The following DNAJC13 variants were observed in gnomAD, a reference collection of about 807,000 sequenced individuals.
DNAJC13 encodes dnaJ homolog subfamily C member 13.
A neutral mutation model predicts 290.5 loss-of-function variants in DNAJC13; 75 were observed. The ratio of observed to expected loss-of-function variants is 0.26; its 90% CI spans 0.21 to 0.31. The LOEUF is 0.31. DNAJC13 is among the 10% of genes least tolerant of loss of function. DNAJC13 has a pLI of 1.00. For synonymous variants in DNAJC13, 862 were observed against 892.0 expected, an observed-to-expected ratio of 0.97 and a Z score of 0.60; for missense variants, 2,260 against 2,674.5, an observed-to-expected ratio of 0.85 and a Z score of 3.42.
chr3:132,479,642 T>G (rs1934600060), intron 25 of DNAJC13, among the ~76,000 whole-genome samples: 1 of 152,174 alleles, frequency 6.6e-6, no homozygotes, highest in Non-Finnish European at 1.5e-5. Flanking sequence ...TGACATAAAA[T>G]GGAAAGTCTT....
intron 17 of DNAJC13, among the ~76,000 whole-genome samples, chr3:132,464,382 C>CTA (rs1933907235): frequency 6.6e-6 from 1 of 152,130 alleles, no homozygotes; most frequent in Non-Finnish European, 1.5e-5. Context: ...CCCTTTTTAA[C>CTA]CCTCTTTGTG....
At chr3:132,508,813 T>G (rs910164636) in intron 43 of DNAJC13, among the ~76,000 whole-genome samples, 1 of 152,230 alleles carries the variant, frequency 6.6e-6, no homozygotes, top group African/African-American at 2.4e-5. Flanking sequence ...GCTCTATAAA[T>G]GGAAGAACAA....
chr3:132,448,721 A>T lies in DNAJC13; in HGVS notation c.336+782A>T, dbSNP rs575954284. The stretch of plus-strand genomic sequence containing the variant: ...CTGTCTGTCTTAAGCCCTCATTCAT[A>T]GAATATTTCTATGAATATTCTGCTA... On this transcript the variant is annotated intron_variant, in intron 5 of 55. Coordinates refer to ENST00000260818, the MANE Select transcript of DNAJC13 (RefSeq NM_015268.4). Among the ~76,000 whole-genome samples, 10 of 152,280 alleles carry T rather than the reference A, an allele frequency of 6.6e-5. No homozygotes were observed. The East Asian group carries it at 1.9e-3, about 29-fold the overall frequency.
At chr3:132,506,203 C>G (rs1323216941) in intron 42 of DNAJC13, among the ~76,000 whole-genome samples, 1 of 150,738 alleles carries the variant, frequency 6.6e-6, no homozygotes, top group African/African-American at 2.4e-5. Context: ...CAGGCATGCA[C>G]CACCATGCCT....
rs766878692 is a variant in DNAJC13 at position 132,538,179 on chromosome 3, C to T, written c.6629C>T (p.Pro2210Leu). The stretch of plus-strand genomic sequence containing the variant: ...TGTTTACCTTTCTCTCTTGCAGGAC[C>T]TGGAGTTGCTGGCTACCTTACCGCA... ...ESQTAGYLTG[P>L]GVAGYLTAGT... The change falls in exon 56 of 56, where the codon CCT becomes CTT. Residue 2210 changes from proline (P) to leucine (L), a missense_variant. Around this residue, in one of 3 missense-constraint regions of DNAJC13, gnomAD observed 1,494 missense variants for 1,693.7 expected, o/e 0.88. Coordinates refer to ENST00000260818, the MANE Select transcript of DNAJC13 (RefSeq NM_015268.4). 14 of 1,613,440 alleles carry T rather than the reference C, an allele frequency of 8.7e-6. No homozygotes were observed. The East Asian group carries it at 2.9e-4, about 33-fold the overall frequency.
chr3:132,476,687 C>T (rs955238379), intron 22 of DNAJC13, among the ~76,000 whole-genome samples: 10 of 152,196 alleles, frequency 6.6e-5, no homozygotes, highest in African/African-American at 2.4e-4. Flanking sequence ...CTGTTCCAGC[C>T]AAATAGGCTT....
chr3:132,486,576 AGT>A (rs1320907696), intron 29 of DNAJC13, among the ~76,000 whole-genome samples: 1 of 152,158 alleles, frequency 6.6e-6, no homozygotes, highest in African/African-American at 2.4e-5. Flanking sequence ...AGCTTCGAAC[AGT>A]GTGTGACTCC....
In DNAJC13 at chr3:132,463,768, C is replaced by T. The variant is rs138466914; in HGVS notation, c.1843C>T (p.His615Tyr). ...TGAAGGTGCCTTACCTCGACACTTG[C>T]ATACTGCGATGTTTACAATAAGCTC... ...LSEGALPRHL[H>Y]TAMFTISSDQ... is the part of the protein sequence containing the mutation. Residue 615 changes from histidine (H) to tyrosine (Y), a missense_variant, in exon 17 of 56, where the codon CAT becomes TAT. Transcript: ENST00000260818. 1.2e-6 allele frequency: 2 copies of T among 1,613,248 alleles called. No homozygotes were observed. The highest frequency in any genetic ancestry group is 1.3e-5 in the African/African-American group (1 of 74,898).
intron 34 of DNAJC13, 84 bp from the exon 35 acceptor site, chr3:132,495,004 C>T: frequency 3.3e-6 from 3 of 901,940 alleles, no homozygotes; most frequent in Non-Finnish European, 5.2e-6. Context: ...ATATTAGATT[C>T]TTAAAATATC....
chr3:132,492,575 G>C lies in DNAJC13; in HGVS notation c.3785G>C (p.Cys1262Ser). Residue 1262 changes from cysteine to serine, a missense_variant, in exon 33 of 56, where the codon TGT (cysteine) becomes TCT (serine). Coordinates refer to ENST00000260818, the MANE Select transcript of DNAJC13 (RefSeq NM_015268.4). ...AATATTTATTACCTCAAACAACTGT[G>C]TGATACACTCCGGTTTCCAGATTGG... ...FCNIYYLKQLCDTLRFPDWPI... is the reference protein window; with the variant it reads ...FCNIYYLKQLSDTLRFPDWPI... 6.2e-7 allele frequency: 1 copy of C among 1,613,658 alleles called. No homozygotes were observed. The highest frequency in any genetic ancestry group is 8.5e-7 in the Non-Finnish European group (1 of 1,179,746).
At chr3:132,431,699 G>A (rs1297239119) in intron 1 of DNAJC13, among the ~76,000 whole-genome samples, 1 of 152,196 alleles carries the variant, frequency 6.6e-6, no homozygotes, top group Non-Finnish European at 1.5e-5. Flanking sequence ...CTTGTTCATA[G>A]TTGTATTATT....
chr3:132,470,836 G>A lies in DNAJC13; in HGVS notation c.2209-2309G>A, dbSNP rs1245050041. ...TCCTGGACAGGGCGGCTGGCCAGGC[G>A]GGGGGCTGATCCCCCCACCTCCCTC... On this transcript the variant is annotated intron_variant, in intron 20 of 55. Coordinates refer to ENST00000260818, the MANE Select transcript of DNAJC13 (RefSeq NM_015268.4). Among the ~76,000 whole-genome samples the A allele has an allele frequency of 5.3e-5, 7 of 132,884 alleles. 1 individual carries two copies. Among genetic ancestry groups the A allele is most frequent in the South Asian group, 2.4e-4 (1 of 4,088 alleles). 87.2% of individuals were successfully genotyped at this position (132,884 alleles called of 152,430 possible).
chr3:132,419,551 C>T (rs1467212808), intron 1 of DNAJC13, among the ~76,000 whole-genome samples: 6 of 152,096 alleles, frequency 3.9e-5, no homozygotes, highest in African/African-American at 1.4e-4. Context: ...CTCAATAGGT[C>T]CCAAATTAGG....
At chr3:132,498,411 TTAATAG>T (rs1438474389) in intron 36 of DNAJC13, among the ~76,000 whole-genome samples, 1 of 152,168 alleles carries the variant, frequency 6.6e-6, no homozygotes, top group Non-Finnish European at 1.5e-5. Context: ...ATAATTGATA[TTAATAG>T]AATTTCTGGT....
At position 132,480,191 on chromosome 3, in the gene DNAJC13, C is replaced by T. The variant is rs139582346; in HGVS notation, c.2773-178C>T. Among the ~76,000 whole-genome samples the T allele has an allele frequency of 1.6e-3, 248 of 152,174 alleles. 3 individuals are homozygous for T. Among genetic ancestry groups the T allele is most frequent in the African/African-American group, 5.7e-3 (238 of 41,518 alleles). ...TCAATTGGAATTCAGGTTCCTTGAACACAAAATGCTGAAAAGACCAAGTAA... is the reference window on the plus strand; with the variant it reads ...TCAATTGGAATTCAGGTTCCTTGAATACAAAATGCTGAAAAGACCAAGTAA... On this transcript the variant is annotated intron_variant, in intron 25 of 55. Transcript: ENST00000260818.
Position 132,430,356 on chromosome 3 carries a change from G to T in DNAJC13, c.-13-4182G>T, listed in dbSNP as rs558976237. On this transcript the variant is annotated intron_variant, in intron 1 of 55. Transcript: ENST00000260818. ...ATTTAATAATTCTTATATTTCTTTT[G>T]TTATTATGAGATTATTTTGTTCTTA... Among the ~76,000 whole-genome samples, 6 of 151,736 alleles carry T rather than the reference G, an allele frequency of 4.0e-5. No individual in the cohort carries two copies. In the South Asian group the frequency reaches 1.2e-3, roughly 32 times the overall value.
chr3:132,456,954 T>G, intron 12 of DNAJC13, 122 bp downstream of exon 12: 1 of 1,113,810 alleles, frequency 9.0e-7, no homozygotes, highest in Non-Finnish European at 1.3e-6. Flanking sequence ...GGTGATATGG[T>G]ACTTTATTCA....
intron 42 of DNAJC13, 149 bp from the exon 43 acceptor site, chr3:132,507,088 C>T: frequency 6.1e-6 from 3 of 494,548 alleles, no homozygotes; most frequent in Non-Finnish European, 1.1e-5. Context: ...ATGCCTATTC[C>T]AAAGTCTTTT....
At chr3:132,420,847 A>G (rs1383050262) in intron 1 of DNAJC13, among the ~76,000 whole-genome samples, 3 of 152,206 alleles carry the variant, frequency 2.0e-5, no homozygotes, top group Non-Finnish European at 4.4e-5. Context: ...ATTTCCAGTC[A>G]TAAAAATTAC....
Sources: allele counts gnomAD v4.1 joint callset (sites outside exome capture counted in the v4.1 genomes callset), GRCh38; gene constraint gnomAD v4.1.1; regional missense constraint gnomAD v4.1.1; transcripts MANE v1.5; gene names NCBI Gene and HGNC (gene_info 2026-07-23, HGNC 2026-07-21).